Variants in NPHP4 observed in about 807,000 individuals in gnomAD.
The protein encoded by NPHP4 is nephrocystin-4.
NPHP4 carries 151 observed loss-of-function variants against 155.8 expected under a neutral mutation model. The ratio of observed to expected loss-of-function variants is 0.97; its 90% CI spans 0.85 to 1.11. NPHP4 has a LOEUF of 1.11. Ranked by LOEUF, NPHP4 falls within the 50% of genes least tolerant of loss-of-function variation. The pLI is 0.00. For synonymous variants in NPHP4, 845 were observed against 816.8 expected, an observed-to-expected ratio of 1.03 and a Z score of -0.59; for missense variants, 1,956 against 1,925.7, an observed-to-expected ratio of 1.02 and a Z score of -0.29.
intron 17 of NPHP4, 75 bp from the exon 18 acceptor site, chr1:5,887,541 T>C: frequency 6.7e-7 from 1 of 1,499,070 alleles, no homozygotes; most frequent in East Asian, 2.3e-5. Flanking sequence ...AGGTGGAGGC[T>C]GCTCCCCAGC....
Position 5,969,116 on chromosome 1 carries a change from G to A in NPHP4, c.423C>T (p.Asp141=), listed in dbSNP as rs1379263600. 1.3e-6 allele frequency: 2 copies of A among 1,550,894 alleles called. No homozygotes were observed. Among genetic ancestry groups the A allele is most frequent in the African/African-American group, 1.4e-5 (1 of 72,940 alleles). ...GILRIFSNQP[D]SPISASQDKR... ...TGTCCTGGGAAGCAGAGATAGGAGA[G>A]TCCGGCTGGTTGCTGAAGATCCGAA... The change falls in exon 4 of 30, where the codon GAC becomes GAT. Residue 141 remains aspartate, a synonymous_variant. Transcript: ENST00000378156.
chr1:5,948,053 G>A lies in NPHP4; in HGVS notation c.992+17C>T, dbSNP rs1316803794. ...TTGCACATCCCCACCCATCCCTGGG[G>A]ACCCAAGAGACAATACCTGGTCTTG... On this transcript the variant is annotated intron_variant, in intron 8 of 29. Coordinates refer to ENST00000378156, the MANE Select transcript of NPHP4 (RefSeq NM_015102.5). 1 of 1,603,394 alleles carries A rather than the reference G, an allele frequency of 6.2e-7. No homozygotes were observed. The highest frequency in any genetic ancestry group is 8.5e-7 in the Non-Finnish European group (1 of 1,170,346).
Position 5,863,107 on chromosome 1 carries a change from CA to C in NPHP4, c.*157del. On this transcript the variant is annotated 3_prime_UTR_variant, in exon 30 of 30. Coordinates refer to ENST00000378156, the MANE Select transcript of NPHP4 (RefSeq NM_015102.5). Reference sequence around the variant, plus strand: ...CTGGATGCAGGTACTACAAAATGACCAGCGCTCGGTCTCTGCTTCCTCAGCC... The same window carrying C: ...CTGGATGCAGGTACTACAAAATGACCGCGCTCGGTCTCTGCTTCCTCAGCC... 1.4e-6 allele frequency: 1 copy of C among 721,852 alleles called. No individual in the cohort carries two copies. Among genetic ancestry groups the C allele is most frequent in the South Asian group, 1.7e-5 (1 of 58,908 alleles). The allele number at this position is 721,852 out of a possible 1,614,324, so 44.7% of individuals were successfully genotyped here. A position where few individuals can be genotyped will look rare whatever the true frequency, so the allele number is the denominator to read the frequency against.
intron 8 of NPHP4, 63 bp downstream of exon 8, chr1:5,948,007 A>C (rs987504095): frequency 7.9e-6 from 10 of 1,265,042 alleles, no homozygotes; most frequent in Non-Finnish European, 1.0e-5. Flanking sequence ...TGCACAAATG[A>C]CCTCATTTCA....
At chr1:5,915,220 C>T (rs1034697059) in intron 11 of NPHP4, among the ~76,000 whole-genome samples, 9 of 152,016 alleles carry the variant, frequency 5.9e-5, no homozygotes, top group Non-Finnish European at 1.3e-4. Flanking sequence ...GGCCTTGGGC[C>T]TTGGGCCTTG....
At position 5,866,970 on chromosome 1, in the gene NPHP4, G is replaced by A. The variant is rs370438315; in HGVS notation, c.3558+60C>T. ...ATCCCAGGATACCCGTGGGGAAGCC[G>A]ACAGGGGCGCAGACTCACTGGGAAG... On this transcript the variant is annotated intron_variant, in intron 25 of 29. Coordinates refer to ENST00000378156, the MANE Select transcript of NPHP4 (RefSeq NM_015102.5). The A allele has an allele frequency of 1.6e-4, 217 of 1,341,360 alleles. No homozygotes were observed. In the South Asian group the frequency reaches 1.8e-3, roughly 11 times the overall value. The allele number at this position is 1,341,360 out of a possible 1,614,324, so 83.1% of individuals were successfully genotyped here. A position where few individuals can be genotyped will look rare whatever the true frequency, so the allele number is the denominator to read the frequency against.
intron 2 of NPHP4, among the ~76,000 whole-genome samples, chr1:5,978,809 T>C (rs1438734976): frequency 1.3e-5 from 2 of 152,220 alleles, no homozygotes; most frequent in African/African-American, 4.8e-5. Flanking sequence ...CTGAAGCTTA[T>C]GCTGGCTGTG....
chr1:5,973,861 T>C (rs1315109415), intron 3 of NPHP4, among the ~76,000 whole-genome samples: 1 of 152,218 alleles, frequency 6.6e-6, no homozygotes, highest in African/African-American at 2.4e-5. Context: ...GGGCCCGAGT[T>C]GGCCTCCTAG....
Position 5,892,216 on chromosome 1 carries a change from G to A in NPHP4, c.2144-1188C>T, listed in dbSNP as rs971368779. Among the ~76,000 whole-genome samples the A allele has an allele frequency of 8.5e-5, 13 of 152,176 alleles. No homozygotes were observed. Among genetic ancestry groups the A allele is most frequent in the African/African-American group, 2.2e-4 (9 of 41,438 alleles). On this transcript the variant is annotated intron_variant, in intron 16 of 29. Transcript: ENST00000378156. The surrounding 1 kb of genome is among the most constrained non-coding windows in gnomAD (Gnocchi z 4.5). ...AGTGAGAGCTCCCAGCATGAGCGAC[G>A]CAGAAGATGGGTGATTTCTGCATTT...
At chr1:5,942,109 C>T (rs919954414) in intron 9 of NPHP4, among the ~76,000 whole-genome samples, 2 of 152,158 alleles carry the variant, frequency 1.3e-5, no homozygotes, top group Non-Finnish European at 2.9e-5. Context: ...AACACATGCA[C>T]GTCTGGATGT....
At position 5,889,683 on chromosome 1, in the gene NPHP4, G is replaced by A. The variant is rs1644014922; in HGVS notation, c.2304+1185C>T. Among the ~76,000 whole-genome samples, 1 of 152,192 alleles carries A rather than the reference G, an allele frequency of 6.6e-6. No individual in the cohort carries two copies. Among genetic ancestry groups the A allele is most frequent in the South Asian group, 2.1e-4 (1 of 4,832 alleles). ...AGGCCTGTGCTAGAGATGCTGTGGTGTCGACACACAGTCCTGCCCTGGGGA... is the reference window on the plus strand; with the variant it reads ...AGGCCTGTGCTAGAGATGCTGTGGTATCGACACACAGTCCTGCCCTGGGGA... On this transcript the variant is annotated intron_variant, in intron 17 of 29. Transcript: ENST00000378156. This position sits in a 1 kb window ranked among gnomAD's most constrained non-coding sequence, Gnocchi z 4.2.
At chr1:5,947,746 T>A (rs1647186654) in intron 8 of NPHP4, among the ~76,000 whole-genome samples, 1 of 152,034 alleles carries the variant, frequency 6.6e-6, no homozygotes. Context: ...GCCCCCTGAC[T>A]CTCCGTCCTA....
chr1:5,864,402 T>A lies in NPHP4; in HGVS notation c.3932A>T (p.Asp1311Val). Reference protein sequence around the residue: ...RFVHLNLVDVDCHQLVASWLV... With the variant: ...RFVHLNLVDVVCHQLVASWLV... Reference sequence around the variant, plus strand: ...CCAGGAGGCCACCAGCTGGTGGCAATCCACGTCCACCAGGTTGAGATGGAC... The same window carrying A: ...CCAGGAGGCCACCAGCTGGTGGCAAACCACGTCCACCAGGTTGAGATGGAC... Residue 1311 changes from aspartate to valine, a missense_variant, in exon 28 of 30, where the codon GAT becomes GTT. By Grantham distance (152) the Asp-to-Val change is radical (BLOSUM62 -3). Transcript: ENST00000378156. The A allele has an allele frequency of 1.9e-6, 3 of 1,611,704 alleles. No individual in the cohort carries two copies. Among genetic ancestry groups the A allele is most frequent in the Non-Finnish European group, 2.5e-6 (3 of 1,179,192 alleles).
Position 5,867,023 on chromosome 1 carries a change from A to G in NPHP4, c.3558+7T>C, listed in dbSNP as rs760498222. On this transcript the variant is annotated splice_region_variant and intron_variant, in intron 25 of 29. Transcript: ENST00000378156. This position sits in a 1 kb window ranked among gnomAD's most constrained non-coding sequence, Gnocchi z 4.1. ...TCTGCCTGAGCTGGGGCCACAACACAACCTACCACATTCTGGGTCTCACAG... is the reference window on the plus strand; with the variant it reads ...TCTGCCTGAGCTGGGGCCACAACACGACCTACCACATTCTGGGTCTCACAG... 6.2e-7 allele frequency: 1 copy of G among 1,611,368 alleles called. No homozygotes were observed. The highest frequency in any genetic ancestry group is 2.2e-5 in the East Asian group (1 of 44,834).
At chr1:5,923,255 C>T (rs746733464) in intron 11 of NPHP4, among the ~76,000 whole-genome samples, 1 of 152,196 alleles carries the variant, frequency 6.6e-6, no homozygotes, top group Non-Finnish European at 1.5e-5. Context: ...AGAAGAGTAA[C>T]AGTGATCAGA....
At chr1:5,927,900 G>C in intron 10 of NPHP4, 113 bp from the exon 11 acceptor site, 1 of 1,125,174 alleles carries the variant, frequency 8.9e-7, no homozygotes, top group Non-Finnish European at 1.3e-6. Context: ...CGTGAAATCA[G>C]AGGCTTCTTG....
At chr1:5,884,684 G>A (rs1445210217) in intron 18 of NPHP4, among the ~76,000 whole-genome samples, 1 of 89,096 alleles carries the variant, frequency 1.1e-5, no homozygotes, top group African/African-American at 4.9e-5. Flanking sequence ...CCGAGCCCCC[G>A]TCCTACTCCA....
chr1:5,880,252 C>T lies in NPHP4; in HGVS notation c.2486-13G>A. Reference sequence around the variant, plus strand: ...TCACACGGGTGACCTACATGAAAAACATCCCAACATAAGACATGAACCCCA... The same window carrying T: ...TCACACGGGTGACCTACATGAAAAATATCCCAACATAAGACATGAACCCCA... On this transcript the variant is annotated splice_polypyrimidine_tract_variant and intron_variant, in intron 18 of 29. Transcript: ENST00000378156. 4 of 1,612,974 alleles carry T rather than the reference C, an allele frequency of 2.5e-6. No homozygotes were observed. Among genetic ancestry groups the T allele is most frequent in the Non-Finnish European group, 3.4e-6 (4 of 1,179,388 alleles).
At chr1:5,891,592 T>C (rs896551539) in intron 16 of NPHP4, among the ~76,000 whole-genome samples, 1 of 152,264 alleles carries the variant, frequency 6.6e-6, no homozygotes, top group Admixed American at 6.5e-5. Context: ...CCTGCCTTCA[T>C]CTTCTTGAAG....
Sources: gnomAD v4.1 joint callset for allele counts (sites outside exome capture counted in the v4.1 genomes callset) on GRCh38, gnomAD v4.1.1 for gene constraint, Gnocchi (gnomAD v3.1) non-coding constraint, MANE v1.5 for transcripts, NCBI Gene and HGNC (gene_info 2026-07-23, HGNC 2026-07-21) for gene names.